Variants in CCAR2 observed in about 807,000 individuals in gnomAD.
CCAR2 encodes the protein cell cycle and apoptosis regulator 2, also known as cell cycle and apoptosis regulator protein 2.
Under a neutral mutation model 108.1 loss-of-function variants are expected in CCAR2, and 21 were observed. That is an observed-to-expected ratio of 0.19 (90% CI 0.14 to 0.28). CCAR2 has a LOEUF of 0.28. Ranked by LOEUF, CCAR2 falls within the 10% of genes least tolerant of loss-of-function variation. The probability of loss-of-function intolerance (pLI) is 1.00; values close to 1 mark genes in which losing one functional copy is unlikely to be tolerated. For missense variants in CCAR2, 1,126 were observed against 1,177.0 expected, an observed-to-expected ratio of 0.96 and a Z score of 0.63; for synonymous variants, 577 against 472.8, an observed-to-expected ratio of 1.22 and a Z score of -2.86.
intron 14 of CCAR2, 23 bp downstream of exon 14, chr8:22,616,271 C>T: frequency 6.2e-7 from 1 of 1,603,916 alleles, no homozygotes; most frequent in Non-Finnish European, 8.5e-7. Context: ...CCACCTCGGG[C>T]TGTCATAGTG....
At chr8:22,617,313 C>T in intron 14 of CCAR2, 107 bp from the exon 15 acceptor site, 1 of 1,305,282 alleles carries the variant, frequency 7.7e-7, no homozygotes, top group East Asian at 2.4e-5. Flanking sequence ...TAGAGCCCTC[C>T]ATACAGTGCC....
At chr8:22,605,599 C>T in intron 1 of CCAR2, 137 bp from the exon 2 acceptor site, 1 of 616,722 alleles carries the variant, frequency 1.6e-6, no homozygotes, top group Non-Finnish European at 2.9e-6. Flanking sequence ...TATATTCTCT[C>T]CATCCATTGC....
At chr8:22,614,664 C>T (rs760988633) in intron 10 of CCAR2, 161 bp downstream of exon 10, 83 of 1,043,982 alleles carry the variant, frequency 8.0e-5, no homozygotes, top group Middle Eastern at 4.0e-4. Flanking sequence ...AGAGCTGTTA[C>T]GACTAGTCAG....
chr8:22,606,306 G>C lies in CCAR2; in HGVS notation c.150+130G>C, dbSNP rs1389678460. The C allele has an allele frequency of 1.9e-5, 16 of 838,816 alleles. No homozygotes were observed. The East Asian group carries it at 3.2e-4, about 17-fold the overall frequency. 52.0% of individuals were successfully genotyped at this position (838,816 alleles called of 1,614,324 possible). Reference sequence around the variant, plus strand: ...CTCTCCTGGTAGTGGGCTAGTATGGGGTTGCCCAGATAGCCTTCAGACTGG... The same window carrying C: ...CTCTCCTGGTAGTGGGCTAGTATGGCGTTGCCCAGATAGCCTTCAGACTGG... On this transcript the variant is annotated intron_variant, in intron 3 of 20. Transcript: ENST00000308511.
chr8:22,615,376 G>C, intron 11 of CCAR2, 49 bp from the exon 12 acceptor site: 22 of 1,587,398 alleles, frequency 1.4e-5, no homozygotes, highest in Non-Finnish European at 1.8e-5. Context: ...CGTGGTGTCT[G>C]CGTGGAGTTG....
In CCAR2 at chr8:22,604,778, G is replaced by A. The variant is rs200745118; in HGVS notation, c.-103G>A. The A allele has an allele frequency of 6.6e-6, 3 of 455,952 alleles. No individual in the cohort carries two copies. The highest frequency in any genetic ancestry group is 2.3e-5 in the Admixed American group (1 of 42,560). 28.2% of individuals were successfully genotyped at this position (455,952 alleles called of 1,614,324 possible). A position where few individuals can be genotyped will look rare whatever the true frequency, so the allele number is the denominator to read the frequency against. On this transcript the variant is annotated 5_prime_UTR_variant, in exon 1 of 21. Coordinates refer to ENST00000308511, the MANE Select transcript of CCAR2 (RefSeq NM_001393997.1). ...CCGGAGAGGCGCTTCCGGTGGCGGC[G>A]GCAGCAGCGGCTGTGGTGGTTCCGG...
chr8:22,619,579 C>A, intron 20 of CCAR2, 59 bp from the exon 21 acceptor site: 1 of 1,538,610 alleles, frequency 6.5e-7, no homozygotes, highest in Non-Finnish European at 8.8e-7. Context: ...GTCCGCAGTC[C>A]GCAGTCCTCA....
intron 7 of CCAR2, among the ~76,000 whole-genome samples, chr8:22,611,014 G>T (rs1223779894): frequency 1.3e-5 from 2 of 151,890 alleles, no homozygotes; most frequent in Non-Finnish European, 2.9e-5. Context: ...GTGTAAAGCA[G>T]TACATGCTAT....
chr8:22,611,388 A>ATATGTGTGTGTGTGTGTGTGTG (rs1554559973), intron 7 of CCAR2, among the ~76,000 whole-genome samples: 22 of 128,492 alleles, frequency 1.7e-4, no homozygotes, highest in East Asian at 1.3e-3. Flanking sequence ...AAGTATATAT[A>ATATGTGTGTGTGTGTGTGTGTG]TGTGTGTGTG....
chr8:22,619,094 C>G, intron 19 of CCAR2, 56 bp from the exon 20 acceptor site: 1 of 1,600,422 alleles, frequency 6.2e-7, no homozygotes, highest in Admixed American at 1.7e-5. Flanking sequence ...CAGGCCCTGC[C>G]CTGTGCTCTG....
intron 7 of CCAR2, among the ~76,000 whole-genome samples, chr8:22,611,495 C>G (rs763410950): frequency 6.7e-6 from 1 of 149,128 alleles, no homozygotes; most frequent in Non-Finnish European, 1.5e-5. Context: ...TGGTTTCTAC[C>G]TTCTTTCTCT....
rs778318379 is a variant in CCAR2, at chr8:22,615,586, A to G, written c.1367A>G (p.Glu456Gly). ...KAAEAAPPTQEAQGETEPTEQ... is the reference protein window; with the variant it reads ...KAAEAAPPTQGAQGETEPTEQ... ...GCAGAGGCAGCTCCCCCAACCCAGG[A>G]GGCACAAGGGGTAAGGCTGTGCCTT... The change falls in exon 12 of 21, where the codon GAG becomes GGG. Residue 456 changes from glutamate to glycine, a missense_variant. Transcript: ENST00000308511. The G allele has an allele frequency of 6.8e-6, 11 of 1,613,894 alleles. No homozygotes were observed. The South Asian group carries it at 1.2e-4, about 18-fold the overall frequency.
At chr8:22,615,337 G>C in intron 11 of CCAR2, 88 bp from the exon 12 acceptor site, 1 of 1,482,754 alleles carries the variant, frequency 6.7e-7, no homozygotes, top group Non-Finnish European at 9.1e-7. Context: ...ATTGAGTGCT[G>C]ACTGGAAACT....
In CCAR2 at chr8:22,612,108, G is replaced by C. The variant is rs186183452; in HGVS notation, c.585-909G>C. On this transcript the variant is annotated intron_variant, in intron 7 of 20. Transcript: ENST00000308511. Reference sequence around the variant, plus strand: ...TTACAGACGTGTGCAACCACACCTGGCTACTTTTTTGTATTTTTAGTAGAG... The same window carrying C: ...TTACAGACGTGTGCAACCACACCTGCCTACTTTTTTGTATTTTTAGTAGAG... Among the ~76,000 whole-genome samples, 102 of 152,084 alleles carry C rather than the reference G, an allele frequency of 6.7e-4. No individual in the cohort carries two copies. In the East Asian group the frequency reaches 0.016, roughly 24 times the overall value.
chr8:22,621,198 G>C (rs1322855451), downstream of CCAR2: 2 of 578,900 alleles, frequency 3.5e-6, no homozygotes, highest in Non-Finnish European at 6.0e-6. Flanking sequence ...AAAGCCCCAA[G>C]GGTTTGTCTA....
intron 2 of CCAR2, 64 bp downstream of exon 2, chr8:22,605,895 G>C (rs1801058352): frequency 3.3e-6 from 5 of 1,536,908 alleles, no homozygotes; most frequent in Non-Finnish European, 4.5e-6. Context: ...TTAGTTTGGG[G>C]TTTCCCTGGT....
chr8:22,621,184 TAAAA>T (rs1170070585), downstream of CCAR2: 59 of 539,386 alleles, frequency 1.1e-4, no homozygotes, highest in East Asian at 2.0e-4. Context: ...GTTCTCCAAA[TAAAA>T]AAGCCCCAAG....
At chr8:22,611,015 TAC>T (rs1268589513) in intron 7 of CCAR2, among the ~76,000 whole-genome samples, 1 of 152,060 alleles carries the variant, frequency 6.6e-6, no homozygotes, top group Admixed American at 6.6e-5. Context: ...TGTAAAGCAG[TAC>T]ATGCTATTAT....
At chr8:22,615,235 G>T (rs889247448) in intron 11 of CCAR2, 190 bp from the exon 12 acceptor site, 10 of 853,412 alleles carry the variant, frequency 1.2e-5, no homozygotes, top group South Asian at 1.0e-4. Context: ...TGCTTGTGTG[G>T]TTGCGGCCTC....
Sources: allele counts gnomAD v4.1 joint callset (sites outside exome capture counted in the v4.1 genomes callset), GRCh38; gene constraint gnomAD v4.1.1; transcripts MANE v1.5; gene names NCBI Gene and HGNC (gene_info 2026-07-23, HGNC 2026-07-21).